Variants in GULP1 observed in about 807,000 individuals in gnomAD.
GULP1 encodes GULP PTB domain containing engulfment adaptor 1, also known as PTB domain-containing engulfment adapter protein 1.
GULP1 carries 19 observed loss-of-function variants against 40.9 expected under a neutral mutation model. The observed-to-expected ratio is 0.46, with a 90% confidence interval of 0.32 to 0.68. The LOEUF is 0.68. Among genes scored for constraint, GULP1 ranks in the 30% least tolerant of loss-of-function variants. The pLI is 0.03. For missense variants in GULP1, 312 were observed against 362.2 expected (o/e 0.86, Z 1.12); for synonymous variants, 119 against 117.6 (o/e 1.01, Z -0.08).
chr2:188,538,694 AGTGT>A (rs113650180), intron 6 of GULP1, among the ~76,000 whole-genome samples: 280 of 144,752 alleles, frequency 1.9e-3, no homozygotes, highest in South Asian at 4.0e-3. Context: ...TGTGTGTGTG[AGTGT>A]GTGTGTGTGT....
At chr2:188,541,463 A>G (rs757737296) in intron 7 of GULP1, 145 bp downstream of exon 7, 21 of 751,554 alleles carry the variant, frequency 2.8e-5, no homozygotes, top group Non-Finnish European at 4.3e-5. Flanking sequence ...AGCTGTACTA[A>G]TAGATTTATT....
chr2:188,314,470 T>TCTC (rs1184160228), intron 1 of GULP1, among the ~76,000 whole-genome samples: 3 of 152,110 alleles, frequency 2.0e-5, no homozygotes, highest in African/African-American at 7.2e-5. Flanking sequence ...CAACAACCTC[T>TCTC]CTCCTCCCAC....
At chr2:188,364,419 C>T (rs1428612762) in intron 1 of GULP1, among the ~76,000 whole-genome samples, 1 of 152,138 alleles carries the variant, frequency 6.6e-6, no homozygotes, top group Non-Finnish European at 1.5e-5. Context: ...AGGCTGTCAG[C>T]CTTCGCATCT....
chr2:188,553,926 A>G (rs1366004411), intron 7 of GULP1, among the ~76,000 whole-genome samples: 3 of 151,882 alleles, frequency 2.0e-5, no homozygotes, highest in East Asian at 3.9e-4. Flanking sequence ...GATTGTTCAG[A>G]TTGTTCAGTT....
intron 2 of GULP1, among the ~76,000 whole-genome samples, chr2:188,473,324 C>T (rs2060747223): frequency 6.6e-6 from 1 of 152,170 alleles, no homozygotes; most frequent in Admixed American, 6.5e-5. Context: ...TTACAGTCAG[C>T]AGGTGGCAAA....
intron 4 of GULP1, among the ~76,000 whole-genome samples, chr2:188,512,315 C>G (rs2064665716): frequency 6.6e-6 from 1 of 151,942 alleles, no homozygotes; most frequent in Admixed American, 6.6e-5. Context: ...ATTTATTAAT[C>G]TTGAAGCAAT....
intron 9 of GULP1, among the ~76,000 whole-genome samples, chr2:188,580,496 T>C (rs1576268367): frequency 6.9e-6 from 1 of 144,076 alleles, no homozygotes; most frequent in African/African-American, 2.6e-5. Flanking sequence ...GAGCTTGCAG[T>C]GAGCCGAGAT....
chr2:188,532,480 G>A (rs1377967360), intron 6 of GULP1, among the ~76,000 whole-genome samples: 3 of 152,136 alleles, frequency 2.0e-5, no homozygotes, highest in East Asian at 1.9e-4. Flanking sequence ...AAAGAGAGAC[G>A]AAAATGGATC....
intron 2 of GULP1, among the ~76,000 whole-genome samples, chr2:188,395,423 T>C (rs1191669369): frequency 6.6e-6 from 1 of 152,122 alleles, no homozygotes; most frequent in Admixed American, 6.5e-5. Context: ...CATACTGACC[T>C]CCCATGGAAG....
Position 188,453,561 on chromosome 2 carries a change from C to T in GULP1, c.-44-24098C>T, listed in dbSNP as rs895310213. 3.3e-5 allele frequency among the ~76,000 whole-genome samples: 5 copies of T among 152,120 alleles called. No individual in the cohort carries two copies. In the South Asian group the frequency reaches 6.2e-4, roughly 19 times the overall value. On this transcript the variant is annotated intron_variant, in intron 2 of 11. Transcript: ENST00000409830. ...CAGCATAAACATTTATCACAAATAT[C>T]GGAGTACATGGGGACTCTGAGTTTT...
chr2:188,474,922 A>G, intron 2 of GULP1, among the ~76,000 whole-genome samples: 1 of 152,194 alleles, frequency 6.6e-6, no homozygotes, highest in East Asian at 1.9e-4. Context: ...GTTACACCAT[A>G]AATTGAGATA....
At chr2:188,470,544 C>T (rs1215689151) in intron 2 of GULP1, among the ~76,000 whole-genome samples, 3 of 152,074 alleles carry the variant, frequency 2.0e-5, no homozygotes, top group Non-Finnish European at 4.4e-5. Context: ...GATGGAGTCA[C>T]TTATGGCTAT....
intron 2 of GULP1, among the ~76,000 whole-genome samples, chr2:188,387,358 T>C (rs1031941842): frequency 2.6e-5 from 4 of 152,190 alleles, no homozygotes; most frequent in South Asian, 2.1e-4. Flanking sequence ...TGAAAACTTA[T>C]ACTTATCAAG....
chr2:188,513,804 T>G (rs116568385), intron 4 of GULP1, among the ~76,000 whole-genome samples: 1,722 of 152,260 alleles, frequency 0.011, 43 homozygotes, highest in African/African-American at 0.039. Flanking sequence ...TTTGTCTATT[T>G]GGATTTACAG....
At chr2:188,510,837 G>A (rs528845612) in intron 4 of GULP1, among the ~76,000 whole-genome samples, 2 of 150,760 alleles carry the variant, frequency 1.3e-5, no homozygotes, top group South Asian at 4.2e-4. Context: ...ACAAAAACTT[G>A]CGTATGTGTT....
chr2:188,477,709 C>A lies in GULP1; in HGVS notation c.7C>A (p.Arg3Ser), dbSNP rs753137025. MN[R>S]AFSRKKDKTW... Reference sequence around the variant, plus strand: ...TATTTGGCTGATCCTCATCATGAACCGTGCTTTTAGCAGGAAGAAAGGTAA... The same window carrying A: ...TATTTGGCTGATCCTCATCATGAACAGTGCTTTTAGCAGGAAGAAAGGTAA... Residue 3 changes from arginine (R) to serine (S), a missense_variant, in exon 3 of 12, where the codon CGT becomes AGT. Transcript: ENST00000409830. 2 of 1,600,312 alleles carry A rather than the reference C, an allele frequency of 1.2e-6. No homozygotes were observed. The highest frequency in any genetic ancestry group is 1.7e-6 in the Non-Finnish European group (2 of 1,173,722).
intron 1 of GULP1, among the ~76,000 whole-genome samples, chr2:188,341,291 G>C (rs762177830): frequency 6.6e-6 from 1 of 152,080 alleles, no homozygotes; most frequent in Non-Finnish European, 1.5e-5. Flanking sequence ...AGACAGAGAG[G>C]ATGGGAAGGT....
rs369171223 is a variant in GULP1 at position 188,554,784 on chromosome 2, C to T, written c.399+13466C>T. On this transcript the variant is annotated intron_variant, in intron 7 of 11. Transcript: ENST00000409830. The stretch of plus-strand genomic sequence containing the variant: ...TGTATTGCAGTCTATCTCTTTAGAT[C>T]TAGAAATATTTACTTTATGGATCTT... Among the ~76,000 whole-genome samples, 10 of 152,048 alleles carry T rather than the reference C, an allele frequency of 6.6e-5. No homozygotes were observed. The South Asian group carries it at 8.3e-4, about 13-fold the overall frequency.
rs540797033 is a variant in GULP1 at position 188,546,959 on chromosome 2, T to C, written c.399+5641T>C. Among the ~76,000 whole-genome samples, 6 of 152,058 alleles carry C rather than the reference T, an allele frequency of 3.9e-5. No individual in the cohort carries two copies. In the East Asian group the frequency reaches 1.2e-3, roughly 29 times the overall value. On this transcript the variant is annotated intron_variant, in intron 7 of 11. Coordinates refer to ENST00000409830, the MANE Select transcript of GULP1 (RefSeq NM_016315.4). ...AATTCAAAAATACAAATAAATTGGA[T>C]CAATTATTTAGGAACAATATTACCA...
Sources: gnomAD v4.1 joint callset for allele counts (sites outside exome capture counted in the v4.1 genomes callset) on GRCh38, gnomAD v4.1.1 for gene constraint, MANE v1.5 for transcripts, NCBI Gene and HGNC (gene_info 2026-07-23, HGNC 2026-07-21) for gene names.